The following PIK3CB variants were observed in gnomAD, a reference collection of about 807,000 sequenced individuals.
PIK3CB encodes the protein phosphatidylinositol 4,5-bisphosphate 3-kinase catalytic subunit beta isoform.
A neutral mutation model predicts 136.8 loss-of-function variants in PIK3CB; 39 were observed. The observed-to-expected ratio is 0.29, with a 90% CI of 0.22 to 0.37. The LOEUF (loss-of-function observed/expected upper bound fraction) is 0.37. Among genes scored for constraint, PIK3CB ranks in the 10% least tolerant of loss-of-function variants. PIK3CB has a pLI of 1.00. For missense variants in PIK3CB, 868 were observed against 1,275.4 expected (o/e 0.68, Z 4.87); for synonymous variants, 428 against 436.6 (o/e 0.98, Z 0.25).
In PIK3CB at chr3:138,682,044, A is replaced by C. The variant is rs749823929; in HGVS notation, c.2427T>G (p.Asp809Glu). The C allele has an allele frequency of 6.2e-7, 1 of 1,606,352 alleles. No individual in the cohort carries two copies. Among genetic ancestry groups the C allele is most frequent in the Non-Finnish European group, 8.5e-7 (1 of 1,175,070 alleles). ...GGAGTGTCAACATATCCTGTCGTAA[A>C]TCTAAGGGAAAACAAACTGCTTCAT... is the stretch of plus-strand genomic sequence containing the variant. ...SVGVIFKNGDDLRQDMLTLQM... is the reference protein window; with the variant it reads ...SVGVIFKNGDELRQDMLTLQM... The change falls in exon 19 of 24, where the codon GAT becomes GAG. Residue 809 changes from aspartate (D) to glutamate (E), a missense_variant and splice_region_variant. Physicochemically the swap from Asp to Glu is conservative, Grantham distance 45 (BLOSUM62 2). This residue lies in a region of PIK3CB where 165 missense variants were observed against 295.4 expected (regional missense o/e 0.56). Coordinates refer to ENST00000674063, the MANE Select transcript of PIK3CB (RefSeq NM_006219.3).
intron 2 of PIK3CB, among the ~76,000 whole-genome samples, chr3:138,769,821 G>A (rs2045778841): frequency 6.6e-6 from 1 of 152,154 alleles, no homozygotes; most frequent in Non-Finnish European, 1.5e-5. Context: ...AGTTCAGCCT[G>A]AGAGAAGTGA....
intron 14 of PIK3CB, 65 bp downstream of exon 14, chr3:138,694,721 A>G: frequency 1.3e-6 from 2 of 1,500,524 alleles, no homozygotes; most frequent in Non-Finnish European, 1.8e-6. Context: ...CATCAAGGAG[A>G]CACCCTCATC....
intron 8 of PIK3CB, among the ~76,000 whole-genome samples, chr3:138,731,794 C>T (rs2044980282): frequency 6.6e-6 from 1 of 151,474 alleles, no homozygotes; most frequent in Admixed American, 6.6e-5. Context: ...ACCAGCCTGG[C>T]CAATATGGTG....
At chr3:138,777,663 G>A (rs996806295) in intron 2 of PIK3CB, among the ~76,000 whole-genome samples, 2 of 152,060 alleles carry the variant, frequency 1.3e-5, no homozygotes, top group Admixed American at 6.5e-5. Flanking sequence ...GGGATGGTTT[G>A]TTACAGCAAT....
chr3:138,798,484 C>A (rs2046134184), intron 1 of PIK3CB, among the ~76,000 whole-genome samples: 1 of 152,000 alleles, frequency 6.6e-6, no homozygotes, highest in African/African-American at 2.4e-5. Context: ...TTTTTATTGT[C>A]TTTATTTATA....
rs193149577 is a variant in PIK3CB at position 138,776,840 on chromosome 3, T to C, written c.-16-17481A>G. 1.3e-3 allele frequency among the ~76,000 whole-genome samples: 202 copies of C among 150,760 alleles called. 2 individuals are homozygous for C. The highest frequency in any genetic ancestry group is 0.013 in the Admixed American group (200 of 15,126). The stretch of plus-strand genomic sequence containing the variant: ...TGGGAGGCTGAGGTAGGAGGATCAC[T>C]TGAGCCTGGGAAGCGGACATTGCAG... On this transcript the variant is annotated intron_variant, in intron 2 of 23. Coordinates refer to ENST00000674063, the MANE Select transcript of PIK3CB (RefSeq NM_006219.3).
chr3:138,707,550 C>A (rs2044405093), intron 10 of PIK3CB: 3 of 1,205,512 alleles, frequency 2.5e-6, no homozygotes, highest in African/African-American at 1.6e-5. Context: ...AAATTTAGTT[C>A]TCAATCTTGA....
chr3:138,691,807 C>T (rs1165443957), intron 14 of PIK3CB, among the ~76,000 whole-genome samples: 1 of 151,958 alleles, frequency 6.6e-6, no homozygotes, highest in African/African-American at 2.4e-5. Flanking sequence ...CTAAGAGTTA[C>T]CAAAAATATT....
intron 1 of PIK3CB, among the ~76,000 whole-genome samples, chr3:138,834,053 C>G (rs1004506304): frequency 6.6e-6 from 1 of 152,190 alleles, no homozygotes; most frequent in African/African-American, 2.4e-5. Context: ...CCCAAACGCA[C>G]GCCAGCAGCC....
chr3:138,824,296 G>A (rs1933685052), intron 1 of PIK3CB, among the ~76,000 whole-genome samples: 2 of 152,124 alleles, frequency 1.3e-5, no homozygotes, highest in Non-Finnish European at 2.9e-5. Context: ...TGAAGCACCA[G>A]AAGACAAACT....
At chr3:138,823,720 A>C (rs1349389835) in intron 1 of PIK3CB, among the ~76,000 whole-genome samples, 1 of 151,352 alleles carries the variant, frequency 6.6e-6, no homozygotes, top group African/African-American at 2.5e-5. Context: ...ATAATGAAAA[A>C]ATTTTTTTAA....
intron 5 of PIK3CB, 138 bp downstream of exon 5, chr3:138,742,420 A>G (rs999586503): frequency 1.7e-6 from 1 of 582,648 alleles, no homozygotes; most frequent in African/African-American, 1.9e-5. Context: ...TCCTAAATAC[A>G]TTTCTATCTG....
intron 19 of PIK3CB, among the ~76,000 whole-genome samples, chr3:138,671,497 GT>G (rs1184347981): frequency 6.6e-6 from 1 of 152,050 alleles, no homozygotes; most frequent in Non-Finnish European, 1.5e-5. Context: ...AATAGGTGTG[GT>G]TAAAAAAGAA....
At chr3:138,685,396 C>CAAAAAAAAAAAAAAAAAAAAAA (rs398052626) in intron 16 of PIK3CB, among the ~76,000 whole-genome samples, 8 of 58,348 alleles carry the variant, frequency 1.4e-4, no homozygotes, top group African/African-American at 3.9e-4. Flanking sequence ...GAAACTGTCT[C>CAAAAAAAAAAAAAAAAAAAAAA]AAAAAAAAAA....
chr3:138,714,996 C>A (rs1372711996), intron 8 of PIK3CB, among the ~76,000 whole-genome samples: 1 of 152,078 alleles, frequency 6.6e-6, no homozygotes, highest in East Asian at 1.9e-4. Flanking sequence ...CATATTGGTC[C>A]AAATGCCAGG....
At chr3:138,744,248 A>T (rs1463189091) in intron 4 of PIK3CB, among the ~76,000 whole-genome samples, 1 of 151,522 alleles carries the variant, frequency 6.6e-6, no homozygotes, top group Non-Finnish European at 1.5e-5. Context: ...AAAAAACATT[A>T]GCCAGGCGTG....
In PIK3CB at chr3:138,699,773, A is replaced by C. The variant is rs2044210768; in HGVS notation, c.1582-678T>G. On this transcript the variant is annotated intron_variant, in intron 12 of 23. Coordinates refer to ENST00000674063, the MANE Select transcript of PIK3CB (RefSeq NM_006219.3). The stretch of plus-strand genomic sequence containing the variant: ...TATCTCTGTGTATGTTTATTTTCCC[A>C]AACATATGGAGGTAAACAAATATAT... Among the ~76,000 whole-genome samples, 2 of 152,232 alleles carry C rather than the reference A, an allele frequency of 1.3e-5. 1 individual carries two copies. Among genetic ancestry groups the C allele is most frequent in the South Asian group, 4.1e-4 (2 of 4,838 alleles).
chr3:138,815,615 G>A (rs1933292328), intron 1 of PIK3CB, among the ~76,000 whole-genome samples: 1 of 152,112 alleles, frequency 6.6e-6, no homozygotes, highest in South Asian at 2.1e-4. Context: ...AGAAGACATA[G>A]AATAATGACC....
At chr3:138,670,651 C>A (rs1577053074) in intron 19 of PIK3CB, among the ~76,000 whole-genome samples, 1 of 152,274 alleles carries the variant, frequency 6.6e-6, no homozygotes, top group East Asian at 1.9e-4. Flanking sequence ...GGTTTATGGT[C>A]CTCAAGCAGA....
Sources: allele counts gnomAD v4.1 joint callset (sites outside exome capture counted in the v4.1 genomes callset), GRCh38; gene constraint gnomAD v4.1.1; regional missense constraint gnomAD v4.1.1; transcripts MANE v1.5; gene names NCBI Gene and HGNC (gene_info 2026-07-23, HGNC 2026-07-21).